MAPK10: variants seen among roughly 807,000 people sequenced by gnomAD.
MAPK10 encodes the protein mitogen-activated protein kinase 10, also known as JNK3 alpha protein kinase.
Under a neutral mutation model 59.3 loss-of-function variants are expected in MAPK10, and 25 were observed. That is an observed-to-expected ratio of 0.42 (90% CI 0.31 to 0.59). MAPK10 has a LOEUF of 0.59. Ranked by LOEUF, MAPK10 falls within the 20% of genes least tolerant of loss-of-function variation. The probability of loss-of-function intolerance (pLI) is 0.15; values close to 1 mark genes in which losing one functional copy is unlikely to be tolerated. For synonymous variants in MAPK10, 190 were observed against 200.5 expected, an observed-to-expected ratio of 0.95 and a Z score of 0.44; for missense variants, 351 against 568.9, an observed-to-expected ratio of 0.62 and a Z score of 3.90.
intron 1 of MAPK10, among the ~76,000 whole-genome samples, chr4:86,402,103 C>T (rs1316131791): frequency 6.6e-6 from 1 of 152,072 alleles, no homozygotes; most frequent in East Asian, 1.9e-4. Flanking sequence ...AAAAAGGAAA[C>T]TAGTGCTCTC....
chr4:86,236,665 G>A (rs994426363), intron 2 of MAPK10, among the ~76,000 whole-genome samples: 6 of 152,160 alleles, frequency 3.9e-5, no homozygotes, highest in Admixed American at 2.6e-4. Flanking sequence ...CTATTGTGAC[G>A]GTTCAAGGAG....
upstream of MAPK10, among the ~76,000 whole-genome samples, chr4:86,364,899 G>T (rs1427229987): frequency 6.6e-6 from 1 of 152,062 alleles, no homozygotes; most frequent in Non-Finnish European, 1.5e-5. Context: ...AGGATTGCTT[G>T]AACCCAGAAG....
intron 1 of MAPK10, among the ~76,000 whole-genome samples, chr4:86,420,640 T>C (rs988148795): frequency 1.3e-5 from 2 of 151,988 alleles, no homozygotes; most frequent in African/African-American, 4.8e-5. Flanking sequence ...ATACAAAATA[T>C]TACCCAGGCA....
chr4:86,075,919 C>A (rs547847257), intron 9 of MAPK10, among the ~76,000 whole-genome samples: 4 of 152,160 alleles, frequency 2.6e-5, no homozygotes, highest in African/African-American at 9.7e-5. Flanking sequence ...TGGTGGGCTC[C>A]ACCCAGTTCG....
chr4:86,076,129 A>C (rs1339712715), intron 9 of MAPK10, among the ~76,000 whole-genome samples: 1 of 152,148 alleles, frequency 6.6e-6, no homozygotes, highest in African/African-American at 2.4e-5. Flanking sequence ...TGAAAAGTGC[A>C]ATATTCGGGT....
At chr4:86,471,340 C>T (rs1752650039) in intron 1 of MAPK10, among the ~76,000 whole-genome samples, 1 of 148,230 alleles carries the variant, frequency 6.7e-6, no homozygotes, top group African/African-American at 2.5e-5. Context: ...AAAATGTGAT[C>T]ATATGGAGAA....
chr4:86,101,035 T>A lies in MAPK10; in HGVS notation c.730+17A>T. ...TTCATTCATGGTTTTGATGCTGCTC[T>A]CCCGAAGCATCCCTACCGTTCTCCT... is the stretch of plus-strand genomic sequence containing the variant. On this transcript the variant is annotated intron_variant, in intron 8 of 13. Coordinates refer to ENST00000641462, the MANE Select transcript of MAPK10 (RefSeq NM_138982.4). The A allele has an allele frequency of 6.2e-7, 1 of 1,611,370 alleles. No homozygotes were observed. Among genetic ancestry groups the A allele is most frequent in the South Asian group, 1.1e-5 (1 of 90,896 alleles).
At chr4:86,573,198 A>C (rs1761599933) in intron 1 of MAPK10, among the ~76,000 whole-genome samples, 1 of 152,158 alleles carries the variant, frequency 6.6e-6, no homozygotes, top group South Asian at 2.1e-4. Flanking sequence ...TTACCTAAGA[A>C]AGCTTTACTA....
chr4:86,093,648 C>T (rs576954324), intron 9 of MAPK10, among the ~76,000 whole-genome samples: 8 of 151,806 alleles, frequency 5.3e-5, no homozygotes, highest in African/African-American at 1.9e-4. Context: ...AAATAAGCAA[C>T]AATTCGCAGA....
chr4:86,271,186 C>T (rs554891455), intron 2 of MAPK10, among the ~76,000 whole-genome samples: 2 of 151,978 alleles, frequency 1.3e-5, no homozygotes, highest in African/African-American at 2.4e-5. Context: ...CATTTAATAT[C>T]GTCATTTTTT....
intron 3 of MAPK10, among the ~76,000 whole-genome samples, chr4:86,190,588 G>A (rs1678313087): frequency 6.6e-6 from 1 of 152,086 alleles, no homozygotes. Flanking sequence ...GATCAGTGGT[G>A]ATATCCCCTT....
chr4:86,194,532 C>T, intron 2 of MAPK10, 125 bp from the exon 3 acceptor site: 1 of 667,814 alleles, frequency 1.5e-6, no homozygotes, highest in South Asian at 1.7e-5. Context: ...CCAACATAAT[C>T]CTTATCTTGA....
chr4:86,519,738 CA>C (rs796155330), intron 1 of MAPK10, among the ~76,000 whole-genome samples: 6 of 152,070 alleles, frequency 3.9e-5, no homozygotes, highest in African/African-American at 1.4e-4. Flanking sequence ...AAAGAAGTTC[CA>C]TTTTGGGGTA....
At chr4:86,061,094 A>T (rs2045670685) in intron 11 of MAPK10, among the ~76,000 whole-genome samples, 1 of 152,214 alleles carries the variant, frequency 6.6e-6, no homozygotes, top group Non-Finnish European at 1.5e-5. Flanking sequence ...TGCTGTACAT[A>T]TGATAAGAAA....
chr4:86,474,263 G>T (rs1285325191), intron 1 of MAPK10, among the ~76,000 whole-genome samples: 7 of 152,058 alleles, frequency 4.6e-5, no homozygotes, highest in Non-Finnish European at 1.0e-4. Context: ...GGTTAATATG[G>T]AAAGTTCTAA....
At chr4:86,273,105 A>C (rs2094479967) in intron 2 of MAPK10, among the ~76,000 whole-genome samples, 1 of 152,114 alleles carries the variant, frequency 6.6e-6, no homozygotes, top group Admixed American at 6.6e-5. Flanking sequence ...GAATCTCACT[A>C]TTTTACCATT....
At chr4:86,479,637 G>T (rs990853621) in intron 1 of MAPK10, among the ~76,000 whole-genome samples, 1 of 151,982 alleles carries the variant, frequency 6.6e-6, no homozygotes, top group South Asian at 2.1e-4. Context: ...TCCCCAAACC[G>T]CCACTCTTAA....
intron 1 of MAPK10, among the ~76,000 whole-genome samples, chr4:86,397,146 C>A (rs1743047731): frequency 6.6e-6 from 1 of 152,014 alleles, no homozygotes; most frequent in Non-Finnish European, 1.5e-5. Context: ...GGAAACAGAT[C>A]AGGAAAGAAA....
rs575606125 is a variant in MAPK10, at chr4:86,461,700, A to G, written c.-262-107056T>C. 1.6e-4 allele frequency among the ~76,000 whole-genome samples: 24 copies of G among 152,330 alleles called. No individual in the cohort carries two copies. In the East Asian group the frequency reaches 4.4e-3, roughly 28 times the overall value. On this transcript the variant is annotated intron_variant, in intron 1 of 4. Transcript: ENST00000502302. ...TTTGCCAGCTAAAGCTAAAGCGGCA[A>G]AGGAGGAAGAGGTTCATCCCTACCC...
Sources: gnomAD v4.1 joint callset for allele counts (sites outside exome capture counted in the v4.1 genomes callset) on GRCh38, gnomAD v4.1.1 for gene constraint, MANE v1.5 for transcripts, NCBI Gene and HGNC (gene_info 2026-07-23, HGNC 2026-07-21) for gene names.